NRG3: variants seen among roughly 807,000 people sequenced by gnomAD.
The protein encoded by NRG3 is neuregulin 3, also known as pro-neuregulin-3, membrane-bound isoform.
A neutral mutation model predicts 66.9 loss-of-function variants in NRG3; 31 were observed. The observed-to-expected ratio is 0.46, with a 90% CI of 0.35 to 0.63. The LOEUF is 0.63. Ranked by LOEUF, NRG3 falls within the 20% of genes least tolerant of loss-of-function variation. The pLI is 0.00. For missense variants in NRG3, 910 were observed against 878.9 expected (o/e 1.04, Z -0.45); for synonymous variants, 393 against 359.4 (o/e 1.09, Z -1.06).
In NRG3 at chr10:82,563,747, G is replaced by A. The variant is rs2045209413; in HGVS notation, c.954-174830G>A. Among the ~76,000 whole-genome samples, 3 of 151,832 alleles carry A rather than the reference G, an allele frequency of 2.0e-5. No homozygotes were observed. In the South Asian group the frequency reaches 6.2e-4, roughly 31 times the overall value. On this transcript the variant is annotated intron_variant, in intron 2 of 8. Transcript: ENST00000372141. ...TCACCTACTTATCATTTTTTGTGAT[G>A]AGAACATTTAAAATCTACTCTTTTA...
chr10:82,484,448 T>A (rs772324048), intron 2 of NRG3, among the ~76,000 whole-genome samples: 2 of 152,242 alleles, frequency 1.3e-5, no homozygotes, highest in African/African-American at 4.8e-5. Context: ...TTTAGTACTG[T>A]GCCTGGCACA....
intron 4 of NRG3, among the ~76,000 whole-genome samples, chr10:82,897,541 T>C (rs1843778770): frequency 6.6e-6 from 1 of 152,184 alleles, no homozygotes; most frequent in South Asian, 2.1e-4. Flanking sequence ...TGTTTTGCGA[T>C]GCAGTCTCTT....
At chr10:81,947,279 C>T (rs1242975157) in intron 1 of NRG3, among the ~76,000 whole-genome samples, 1 of 152,066 alleles carries the variant, frequency 6.6e-6, no homozygotes, top group Non-Finnish European at 1.5e-5. Context: ...GGATTGAAGC[C>T]CACTCCAGCA....
chr10:82,719,496 A>T (rs1358297739), intron 2 of NRG3, among the ~76,000 whole-genome samples: 1 of 152,168 alleles, frequency 6.6e-6, no homozygotes, highest in Non-Finnish European at 1.5e-5. Context: ...AGAGCACCAC[A>T]TTTCTTAGGC....
chr10:82,844,263 A>G (rs2063203167), intron 3 of NRG3, among the ~76,000 whole-genome samples: 1 of 152,202 alleles, frequency 6.6e-6, no homozygotes, highest in Non-Finnish European at 1.5e-5. Context: ...AAATCCCATT[A>G]TGCACAATGA....
At position 81,906,890 on chromosome 10, in the gene NRG3, G is replaced by A. The variant is rs191855163; in HGVS notation, c.823+30727G>A. On this transcript the variant is annotated intron_variant, in intron 1 of 8. Transcript: ENST00000372141. ...ATTTCAAAGATATTTTGAAGATAGT[G>A]TAGAGCAGTGAGGGTCTAGAGGATT... 2.2e-4 allele frequency among the ~76,000 whole-genome samples: 34 copies of A among 152,164 alleles called. 1 individual carries two copies. The highest frequency in any genetic ancestry group is 4.7e-4 in the Non-Finnish European group (32 of 68,040).
At chr10:82,037,801 A>G (rs548551374) in intron 1 of NRG3, among the ~76,000 whole-genome samples, 64 of 152,118 alleles carry the variant, frequency 4.2e-4, no homozygotes, top group Non-Finnish European at 8.8e-4. Context: ...TTTGAGAACT[A>G]AGGGGAAAAC....
chr10:82,023,527 T>C (rs2062157608), intron 1 of NRG3, among the ~76,000 whole-genome samples: 1 of 152,146 alleles, frequency 6.6e-6, no homozygotes, highest in East Asian at 1.9e-4. Flanking sequence ...TTGAGATATG[T>C]TTCTTCTGTA....
intron 1 of NRG3, among the ~76,000 whole-genome samples, chr10:81,944,138 T>A (rs925397659): frequency 6.6e-6 from 1 of 152,188 alleles, no homozygotes; most frequent in Non-Finnish European, 1.5e-5. Flanking sequence ...ACTTCAGACC[T>A]GAGAAGGTGA....
intron 1 of NRG3, among the ~76,000 whole-genome samples, chr10:81,944,515 ATGT>A (rs1178804621): frequency 2.0e-5 from 3 of 152,304 alleles, no homozygotes; most frequent in African/African-American, 4.8e-5. Flanking sequence ...CATGGGGAAA[ATGT>A]TGTTTGAAAT....
intron 1 of NRG3, among the ~76,000 whole-genome samples, chr10:82,350,757 C>G (rs891315528): frequency 6.6e-6 from 1 of 152,068 alleles, no homozygotes; most frequent in Admixed American, 6.6e-5. Flanking sequence ...TCCCAGGGAG[C>G]CTTCTCTGAT....
Position 82,358,969 on chromosome 10 carries a change from A to G in NRG3, c.953+101A>G, listed in dbSNP as rs149153629. The G allele has an allele frequency of 3.7e-5, 56 of 1,512,622 alleles. No individual in the cohort carries two copies. The African/African-American group carries it at 4.8e-4, about 13-fold the overall frequency. The allele number at this position is 1,512,622 out of a possible 1,614,324, so 93.7% of individuals were successfully genotyped here. On this transcript the variant is annotated intron_variant, in intron 2 of 8. Coordinates refer to ENST00000372141, the MANE Select transcript of NRG3 (RefSeq NM_001010848.4). ...GGTATGTGTCATATCCGGGATACAC[A>G]CAGTCCCACCGTTTGAATAGCAGAA...
chr10:82,495,289 C>A (rs979086686), intron 2 of NRG3, among the ~76,000 whole-genome samples: 1 of 152,106 alleles, frequency 6.6e-6, no homozygotes, highest in East Asian at 1.9e-4. Context: ...CAAGGCTATC[C>A]CTCTTATGGT....
intron 1 of NRG3, among the ~76,000 whole-genome samples, chr10:82,279,963 A>G (rs1564743123): frequency 1.3e-5 from 2 of 152,220 alleles, no homozygotes; most frequent in Non-Finnish European, 2.9e-5. Flanking sequence ...ATGAGAGACC[A>G]ATGGGATTGG....
At chr10:81,912,357 G>T (rs1845250581) in intron 1 of NRG3, among the ~76,000 whole-genome samples, 1 of 152,082 alleles carries the variant, frequency 6.6e-6, no homozygotes, top group Non-Finnish European at 1.5e-5. Context: ...GAGTAGCTGG[G>T]ACCACAGGTG....
At chr10:81,954,839 C>CA (rs1849675363) in intron 1 of NRG3, among the ~76,000 whole-genome samples, 1 of 152,116 alleles carries the variant, frequency 6.6e-6, no homozygotes, top group Non-Finnish European at 1.5e-5. Context: ...CTGTGTCACA[C>CA]CAGCCACTGC....
chr10:82,238,012 T>G (rs1184003556), intron 1 of NRG3, among the ~76,000 whole-genome samples: 1 of 152,190 alleles, frequency 6.6e-6, no homozygotes, highest in Non-Finnish European at 1.5e-5. Flanking sequence ...TTCAGCAATC[T>G]TAGTGTTTCT....
chr10:82,583,878 A>G (rs2046511172), intron 2 of NRG3, among the ~76,000 whole-genome samples: 1 of 152,160 alleles, frequency 6.6e-6, no homozygotes, highest in South Asian at 2.1e-4. Flanking sequence ...CAAAGTCTCA[A>G]TCTCACCCCT....
rs79298514 is a variant in NRG3 at position 81,940,166 on chromosome 10, G to T, written c.823+64003G>T. ...AGTTCAGTCTTCTTAAATGTGTTAA[G>T]ACTTGTTTTGTGCTATAGGATATGA... On this transcript the variant is annotated intron_variant, in intron 1 of 8. Coordinates refer to ENST00000372141, the MANE Select transcript of NRG3 (RefSeq NM_001010848.4). 0.014 allele frequency among the ~76,000 whole-genome samples: 2,059 copies of T among 152,164 alleles called. 115 individuals carry two copies. The East Asian group carries it at 0.2, about 15-fold the overall frequency.
Sources: gnomAD v4.1 joint callset for allele counts (sites outside exome capture counted in the v4.1 genomes callset) on GRCh38, gnomAD v4.1.1 for gene constraint, MANE v1.5 for transcripts, NCBI Gene and HGNC (gene_info 2026-07-23, HGNC 2026-07-21) for gene names.